ZC3H3: variants seen among roughly 807,000 people sequenced by gnomAD.
The protein encoded by ZC3H3 is zinc finger CCCH-type containing 3.
Under a neutral mutation model 77.3 loss-of-function variants are expected in ZC3H3, and 36 were observed. That is an observed-to-expected ratio of 0.47 (90% confidence interval 0.36 to 0.61). ZC3H3 has a LOEUF of 0.61. Among genes scored for constraint, ZC3H3 ranks in the 20% least tolerant of loss-of-function variants. The pLI, the probability that ZC3H3 is intolerant of heterozygous loss-of-function variation, is 0.00. For missense variants in ZC3H3, 1,331 were observed against 1,312.2 expected (o/e 1.01, Z -0.22); for synonymous variants, 626 against 555.2 (o/e 1.13, Z -1.79).
At position 143,440,151 on chromosome 8, in the gene ZC3H3, C is replaced by G. The variant is rs769941503; in HGVS notation, c.2705G>C (p.Cys902Ser). ...AGGCAGCTTGCAGAGCCTGTTGGAG[C>G]ACGCTGCTGCTAAGGCAGCCTCCTG... ...SLQEAALAAA[C>S]SNRLCKLPSF... The change falls in exon 11 of 12, where the codon TGC becomes TCC. Residue 902 changes from cysteine (C) to serine (S), a missense_variant. Cys to Ser is a moderately radical substitution (Grantham distance 112). Around this residue, in one of 3 missense-constraint regions of ZC3H3, gnomAD observed 249 missense variants for 236.9 expected, o/e 1.05. Coordinates refer to ENST00000262577, the MANE Select transcript of ZC3H3 (RefSeq NM_015117.3). 1 of 1,611,948 alleles carries G rather than the reference C, an allele frequency of 6.2e-7. No individual in the cohort carries two copies. Among genetic ancestry groups the G allele is most frequent in the Admixed American group, 1.7e-5 (1 of 59,934 alleles).
At chr8:143,524,703 G>A (rs1482990654) in intron 3 of ZC3H3, among the ~76,000 whole-genome samples, 4 of 152,206 alleles carry the variant, frequency 2.6e-5, no homozygotes, top group Non-Finnish European at 5.9e-5. Context: ...AGGGGAGTGA[G>A]CTGCGCTGCG....
At position 143,494,319 on chromosome 8, in the gene ZC3H3, G is replaced by A. The variant is rs1821285724; in HGVS notation, c.1715+13427C>T. ...AATGACAGAGTATCTCAGAGAGCGTGAGTGAGCAGCTCAGGCTACGGGACC... is the reference window on the plus strand; with the variant it reads ...AATGACAGAGTATCTCAGAGAGCGTAAGTGAGCAGCTCAGGCTACGGGACC... On this transcript the variant is annotated intron_variant, in intron 4 of 11. Coordinates refer to ENST00000262577, the MANE Select transcript of ZC3H3 (RefSeq NM_015117.3). The surrounding 1 kb of genome is among the most constrained non-coding windows in gnomAD (Gnocchi z 5.3). Among the ~76,000 whole-genome samples, 1 of 152,228 alleles carries A rather than the reference G, an allele frequency of 6.6e-6. No individual in the cohort carries two copies. The highest frequency in any genetic ancestry group is 1.5e-5 in the Non-Finnish European group (1 of 68,030).
At chr8:143,531,352 A>C (rs1473421397) in intron 3 of ZC3H3, among the ~76,000 whole-genome samples, 1 of 152,182 alleles carries the variant, frequency 6.6e-6, no homozygotes, top group Non-Finnish European at 1.5e-5. Context: ...CACTGACAGC[A>C]GAGGAAGAGA....
intron 4 of ZC3H3, among the ~76,000 whole-genome samples, chr8:143,489,552 G>A (rs972393550): frequency 2.6e-5 from 4 of 152,174 alleles, no homozygotes; most frequent in African/African-American, 7.2e-5. Context: ...CAGGCAAGGG[G>A]GCGCCTTGCC....
chr8:143,452,989 C>T (rs182163034), intron 9 of ZC3H3, among the ~76,000 whole-genome samples: 2 of 152,142 alleles, frequency 1.3e-5, no homozygotes, highest in African/African-American at 2.4e-5. Flanking sequence ...GACATCTACC[C>T]CAGATGTCAG....
At chr8:143,482,945 C>T (rs559373160) in intron 4 of ZC3H3, among the ~76,000 whole-genome samples, 65 of 152,280 alleles carry the variant, frequency 4.3e-4, no homozygotes, top group Non-Finnish European at 8.5e-4. Context: ...CCTTCTAGGC[C>T]GGGGTTGTGT....
chr8:143,536,429 G>T lies in ZC3H3; in HGVS notation c.1389C>A (p.Gly463=), dbSNP rs781127233. ...STSLPGDKKS[G]TSPAATAKSH... is the part of the protein sequence containing the mutation. ...TCTTGGCGGTGGCGGCAGGTGAGGT[G>T]CCGCTTTTCTTGTCTCCAGGAAGGC... The change falls in exon 3 of 12, where the codon GGC becomes GGA. Residue 463 remains glycine, a synonymous_variant. Coordinates refer to ENST00000262577, the MANE Select transcript of ZC3H3 (RefSeq NM_015117.3). 9 of 1,533,438 alleles carry T rather than the reference G, an allele frequency of 5.9e-6. No individual in the cohort carries two copies. The East Asian group carries it at 1.9e-4, about 33-fold the overall frequency. 95.0% of individuals were successfully genotyped at this position (1,533,438 alleles called of 1,614,324 possible).
chr8:143,480,075 G>T (rs118076041), intron 4 of ZC3H3, among the ~76,000 whole-genome samples: 1 of 152,164 alleles, frequency 6.6e-6, no homozygotes, highest in Non-Finnish European at 1.5e-5. Flanking sequence ...TGCCAGCCTC[G>T]CTAGGCACAG....
At chr8:143,515,768 TG>T (rs1355918458) in intron 3 of ZC3H3, among the ~76,000 whole-genome samples, 19 of 152,222 alleles carry the variant, frequency 1.2e-4, no homozygotes, top group African/African-American at 4.3e-4. Flanking sequence ...ATGGCACAGC[TG>T]GGCCAGGCAG....
In ZC3H3 at chr8:143,443,199, C is replaced by T. The variant is rs1819789728; in HGVS notation, c.2308-2079G>A. On this transcript the variant is annotated intron_variant, in intron 9 of 11. Coordinates refer to ENST00000262577, the MANE Select transcript of ZC3H3 (RefSeq NM_015117.3). Reference sequence around the variant, plus strand: ...ACTTGGGAGGCTGAGGCAGAAGAATCGCTTGAACCTGGGTGGTGGAGGTTG... The same window carrying T: ...ACTTGGGAGGCTGAGGCAGAAGAATTGCTTGAACCTGGGTGGTGGAGGTTG... Among the ~76,000 whole-genome samples, 2 of 148,994 alleles carry T rather than the reference C, an allele frequency of 1.3e-5. 1 individual carries two copies. The highest frequency in any genetic ancestry group is 4.9e-5 in the African/African-American group (2 of 40,512).
Position 143,533,367 on chromosome 8 carries a change from CG to C in ZC3H3, c.1561+2889del, listed in dbSNP as rs374532671. On this transcript the variant is annotated intron_variant, in intron 3 of 11. Transcript: ENST00000262577. This position sits in a 1 kb window ranked among gnomAD's most constrained non-coding sequence, Gnocchi z 4.0. Reference sequence around the variant, plus strand: ...ACCTCCTCAGAGAAGCCCTCCCACTCGCCAACCACCTCTCTGCAGCTGGCCC... The same window carrying C: ...ACCTCCTCAGAGAAGCCCTCCCACTCCCAACCACCTCTCTGCAGCTGGCCC... 1.3e-5 allele frequency among the ~76,000 whole-genome samples: 2 copies of C among 152,174 alleles called. No homozygotes were observed. Among genetic ancestry groups the C allele is most frequent in the African/African-American group, 4.8e-5 (2 of 41,434 alleles).
At chr8:143,469,195 TA>T (rs1820495807) in intron 5 of ZC3H3, among the ~76,000 whole-genome samples, 1 of 152,220 alleles carries the variant, frequency 6.6e-6, no homozygotes, top group African/African-American at 2.4e-5. Flanking sequence ...GAACAGCTGC[TA>T]ACAGCAGCAC....
At chr8:143,517,068 T>C (rs764208847) in intron 3 of ZC3H3, among the ~76,000 whole-genome samples, 1 of 152,226 alleles carries the variant, frequency 6.6e-6, no homozygotes, top group Non-Finnish European at 1.5e-5. Flanking sequence ...TGCCGCGGAC[T>C]GTCAGAGCCC....
At chr8:143,518,215 G>T (rs1822123094) in intron 3 of ZC3H3, among the ~76,000 whole-genome samples, 1 of 152,196 alleles carries the variant, frequency 6.6e-6, no homozygotes. Flanking sequence ...GGCAGTCCAG[G>T]CTGGAAACGG....
At chr8:143,470,918 T>C (rs1340733526) in intron 5 of ZC3H3, among the ~76,000 whole-genome samples, 2 of 152,174 alleles carry the variant, frequency 1.3e-5, no homozygotes, top group Non-Finnish European at 2.9e-5. Context: ...CAGAGAACTT[T>C]CACTTCCCCG....
chr8:143,523,297 G>A (rs987280536), intron 3 of ZC3H3: 64 of 983,918 alleles, frequency 6.5e-5, no homozygotes, highest in African/African-American at 7.0e-5. Flanking sequence ...AAAGACAGAC[G>A]CACGATGAAA....
chr8:143,498,882 C>T lies in ZC3H3; in HGVS notation c.1715+8864G>A, dbSNP rs1213016875. Among the ~76,000 whole-genome samples, 14 of 35,250 alleles carry T rather than the reference C, an allele frequency of 4.0e-4. No homozygotes were observed. The South Asian group carries it at 0.013, about 34-fold the overall frequency. The allele number at this position is 35,250 out of a possible 152,430, so 23.1% of individuals were successfully genotyped here. ...GCAGGGCAGGGGGTACAGGGCGGGG[C>T]GGAGGGGCACAGGGCGGGGCGGAGG... On this transcript the variant is annotated intron_variant, in intron 4 of 11. Transcript: ENST00000262577.
chr8:143,511,538 A>AGCCCACCAGTGAAGGCTG (rs1391820995), intron 3 of ZC3H3, among the ~76,000 whole-genome samples: 5 of 152,228 alleles, frequency 3.3e-5, no homozygotes, highest in Non-Finnish European at 7.3e-5. Flanking sequence ...CTGCTCCACC[A>AGCCCACCAGTGAAGGCTG]CTTCACTGTC....
chr8:143,503,508 C>G (rs1046269200), intron 4 of ZC3H3, among the ~76,000 whole-genome samples: 1 of 143,688 alleles, frequency 7.0e-6, no homozygotes, highest in East Asian at 2.0e-4. Context: ...ACCACCTCCC[C>G]CAGCACCCAG....
Sources: gnomAD v4.1 joint callset for allele counts (sites outside exome capture counted in the v4.1 genomes callset) on GRCh38, gnomAD v4.1.1 for gene constraint, gnomAD v4.1.1 regional missense constraint, Gnocchi (gnomAD v3.1) non-coding constraint, MANE v1.5 for transcripts, NCBI Gene and HGNC (gene_info 2026-07-23, HGNC 2026-07-21) for gene names.